Variants in IMMP2L observed in about 807,000 individuals in gnomAD.
IMMP2L encodes mitochondrial inner membrane protease subunit 2.
IMMP2L carries 18 observed loss-of-function variants against 19.3 expected under a neutral mutation model. The observed-to-expected ratio is 0.93, with a 90% CI of 0.64 to 1.38. The LOEUF (loss-of-function observed/expected upper bound fraction) is 1.38. Among genes scored for constraint, IMMP2L ranks in the 40% most tolerant of loss-of-function variants. IMMP2L has a pLI of 0.00. For missense variants in IMMP2L, 233 were observed against 218.2 expected (o/e 1.07, Z -0.43); for synonymous variants, 76 against 73.0 (o/e 1.04, Z -0.21).
chr7:111,487,191 T>A (rs563223590), intron 3 of IMMP2L, 47 bp downstream of exon 3: 2 of 843,048 alleles, frequency 2.4e-6, no homozygotes, highest in Non-Finnish European at 4.0e-6. Context: ...TCAGCATAAG[T>A]ATAAATAATT....
At chr7:110,783,023 C>A (rs540340094) in intron 5 of IMMP2L, among the ~76,000 whole-genome samples, 1 of 151,850 alleles carries the variant, frequency 6.6e-6, no homozygotes, top group East Asian at 2.0e-4. Flanking sequence ...ATGATTTTTC[C>A]TGAAAGGATA....
At chr7:110,963,681 C>T in intron 3 of IMMP2L, 116 bp from the exon 4 acceptor site, 1 of 495,436 alleles carries the variant, frequency 2.0e-6, no homozygotes, top group Non-Finnish European at 3.5e-6. Flanking sequence ...TCCTTTGCAC[C>T]CCATGACATG....
At chr7:111,084,371 T>A (rs185055039) in intron 3 of IMMP2L, among the ~76,000 whole-genome samples, 2 of 150,884 alleles carry the variant, frequency 1.3e-5, no homozygotes, top group South Asian at 2.1e-4. Context: ...AGGTCAGCTT[T>A]AGACACGTAG....
At chr7:110,674,022 A>G (rs542821091) in intron 5 of IMMP2L, among the ~76,000 whole-genome samples, 7 of 152,312 alleles carry the variant, frequency 4.6e-5, no homozygotes, top group African/African-American at 1.7e-4. Flanking sequence ...AACTTACTGT[A>G]TTAGTCCATT....
At chr7:110,958,705 G>A (rs1818617020) in intron 4 of IMMP2L, among the ~76,000 whole-genome samples, 1 of 152,010 alleles carries the variant, frequency 6.6e-6, no homozygotes, top group Non-Finnish European at 1.5e-5. Context: ...CTACCCCAAA[G>A]GTAGTAGATC....
intron 3 of IMMP2L, among the ~76,000 whole-genome samples, chr7:111,333,716 T>G (rs1444139352): frequency 6.6e-6 from 1 of 152,080 alleles, no homozygotes; most frequent in Non-Finnish European, 1.5e-5. Flanking sequence ...AGGCAGAACA[T>G]GAAAAGACTA....
At chr7:110,692,575 A>G (rs1793597139) in intron 5 of IMMP2L, among the ~76,000 whole-genome samples, 1 of 152,180 alleles carries the variant, frequency 6.6e-6, no homozygotes, top group South Asian at 2.1e-4. Flanking sequence ...ATTGTTAACC[A>G]TAACAGTTGC....
intron 5 of IMMP2L, among the ~76,000 whole-genome samples, chr7:110,828,150 T>C (rs1488978807): frequency 6.6e-5 from 10 of 152,176 alleles, no homozygotes; most frequent in Non-Finnish European, 1.3e-4. Flanking sequence ...GTAGGCCAGA[T>C]GGTCTCAGAA....
intron 3 of IMMP2L, among the ~76,000 whole-genome samples, chr7:111,415,825 C>T (rs1834910168): frequency 6.6e-6 from 1 of 151,582 alleles, no homozygotes; most frequent in African/African-American, 2.4e-5. Context: ...TAGGATTTTA[C>T]AAATTGCTAC....
chr7:111,334,637 A>G (rs950491935), intron 3 of IMMP2L, among the ~76,000 whole-genome samples: 2 of 152,140 alleles, frequency 1.3e-5, no homozygotes, highest in Non-Finnish European at 2.9e-5. Flanking sequence ...TCATACATGC[A>G]TGACTAAAGA....
chr7:111,125,680 T>C (rs1801220787), intron 3 of IMMP2L, among the ~76,000 whole-genome samples: 1 of 152,164 alleles, frequency 6.6e-6, no homozygotes, highest in South Asian at 2.1e-4. Context: ...GGAAATTATG[T>C]ATTCACTTAA....
At chr7:110,910,792 C>A (rs2129548316) in intron 4 of IMMP2L, among the ~76,000 whole-genome samples, 1 of 152,260 alleles carries the variant, frequency 6.6e-6, no homozygotes, top group African/African-American at 2.4e-5. Context: ...ATAATTCTCT[C>A]TTCTTACTCA....
intron 5 of IMMP2L, among the ~76,000 whole-genome samples, chr7:110,736,817 C>G (rs1796665062): frequency 1.3e-5 from 2 of 152,172 alleles, no homozygotes; most frequent in Non-Finnish European, 2.9e-5. Context: ...CAGGATAAAT[C>G]ATACCTTGAG....
intron 3 of IMMP2L, among the ~76,000 whole-genome samples, chr7:111,184,843 A>C (rs1761945124): frequency 6.6e-6 from 1 of 152,066 alleles, no homozygotes; most frequent in African/African-American, 2.4e-5. Context: ...CATAGAAACC[A>C]CTACGTCACC....
intron 3 of IMMP2L, among the ~76,000 whole-genome samples, chr7:111,303,517 T>G (rs1395544902): frequency 6.6e-6 from 1 of 152,120 alleles, no homozygotes; most frequent in African/African-American, 2.4e-5. Flanking sequence ...TCTATGATCA[T>G]GACTATGCAA....
intron 3 of IMMP2L, among the ~76,000 whole-genome samples, chr7:111,369,397 A>G (rs887516918): frequency 6.6e-6 from 1 of 151,914 alleles, no homozygotes; most frequent in Non-Finnish European, 1.5e-5. Context: ...TCATTGGTAT[A>G]ATTACTAAGG....
intron 3 of IMMP2L, among the ~76,000 whole-genome samples, chr7:111,249,429 C>G (rs1388932923): frequency 6.7e-6 from 1 of 148,182 alleles, no homozygotes; most frequent in African/African-American, 2.5e-5. Flanking sequence ...CTGGCACTCC[C>G]TAGTGAGATG....
intron 4 of IMMP2L, among the ~76,000 whole-genome samples, chr7:110,916,676 A>G (rs1310827734): frequency 2.0e-5 from 3 of 152,242 alleles, no homozygotes; most frequent in Non-Finnish European, 2.9e-5. Flanking sequence ...TAATTGTAAG[A>G]GCAAAAATAA....
intron 3 of IMMP2L, among the ~76,000 whole-genome samples, chr7:110,986,929 C>T (rs569189446): frequency 1.3e-5 from 2 of 152,010 alleles, no homozygotes; most frequent in South Asian, 4.2e-4. Flanking sequence ...TCTTGGGTCA[C>T]CTATTTTCCT....
Sources: gnomAD v4.1 joint callset for allele counts (sites outside exome capture counted in the v4.1 genomes callset) on GRCh38, gnomAD v4.1.1 for gene constraint, MANE v1.5 for transcripts, NCBI Gene and HGNC (gene_info 2026-07-23, HGNC 2026-07-21) for gene names.